NELL1: variants seen among roughly 807,000 people sequenced by gnomAD.
NELL1 encodes protein kinase C-binding protein NELL1.
NELL1 carries 76 observed loss-of-function variants against 107.4 expected under a neutral mutation model. The observed-to-expected ratio is 0.71, with a 90% CI of 0.59 to 0.86. The LOEUF (loss-of-function observed/expected upper bound fraction) is 0.86. Ranked by LOEUF, NELL1 falls within the 40% of genes least tolerant of loss-of-function variation. The pLI, the probability that NELL1 is intolerant of heterozygous loss-of-function variation, is 0.00. For missense variants in NELL1, 1,024 were observed against 1,005.5 expected, an observed-to-expected ratio of 1.02 and a Z score of -0.25; for synonymous variants, 353 against 341.2, an observed-to-expected ratio of 1.03 and a Z score of -0.38.
intron 3 of NELL1, among the ~76,000 whole-genome samples, chr11:20,829,162 A>G (rs1366441374): frequency 6.6e-6 from 1 of 151,988 alleles, no homozygotes; most frequent in African/African-American, 2.4e-5. Context: ...CTCTAATATT[A>G]ACATCTTACG....
intron 14 of NELL1, among the ~76,000 whole-genome samples, chr11:21,339,437 T>G (rs1850512631): frequency 6.6e-6 from 1 of 152,214 alleles, no homozygotes; most frequent in Admixed American, 6.5e-5. Context: ...CCTATAGAAC[T>G]GTGAGACAAT....
At chr11:21,187,865 A>C (rs1052955295) in intron 13 of NELL1, among the ~76,000 whole-genome samples, 1 of 151,926 alleles carries the variant, frequency 6.6e-6, no homozygotes, top group Non-Finnish European at 1.5e-5. Context: ...TAAACAAATA[A>C]GGATTTTAGG....
Position 21,507,901 on chromosome 11 carries a change from C to T in NELL1, c.1646-26473C>T, listed in dbSNP as rs145811982. Among the ~76,000 whole-genome samples, 2,507 of 151,936 alleles carry T rather than the reference C, an allele frequency of 0.017. 187 individuals carry two copies. The East Asian group carries it at 0.26, about 16-fold the overall frequency. ...GTTCCAGCGATTCTCCTGCCTCAGC[C>T]TCCCAAGTAGCTGAGACTACAGGTG... On this transcript the variant is annotated intron_variant, in intron 15 of 19. Transcript: ENST00000357134.
chr11:20,939,497 G>A (rs1317662687), intron 10 of NELL1, among the ~76,000 whole-genome samples: 3 of 152,058 alleles, frequency 2.0e-5, no homozygotes, highest in African/African-American at 7.3e-5. Flanking sequence ...TACTGTCCTG[G>A]AGTCACTTAT....
chr11:21,085,000 T>G (rs1282561094), intron 12 of NELL1, among the ~76,000 whole-genome samples: 1 of 152,164 alleles, frequency 6.6e-6, no homozygotes, highest in East Asian at 1.9e-4. Flanking sequence ...ACAATGGGGG[T>G]AAGACATACT....
chr11:20,678,126 C>T (rs1854107299), intron 2 of NELL1, 66 bp downstream of exon 2: 2 of 1,572,894 alleles, frequency 1.3e-6, no homozygotes, highest in African/African-American at 2.7e-5. Context: ...GGGGAGTGCT[C>T]ATTTGTTGTG....
intron 12 of NELL1, among the ~76,000 whole-genome samples, chr11:21,033,446 T>C (rs1334594812): frequency 6.6e-6 from 1 of 152,170 alleles, no homozygotes; most frequent in East Asian, 1.9e-4. Context: ...GTCCATTTGT[T>C]CTCATCATTT....
chr11:21,326,072 TTTTTTTTTTG>T lies in NELL1; in HGVS notation c.1550-44780_1550-44771del, dbSNP rs1157249770. Among the ~76,000 whole-genome samples, 107 of 88,054 alleles carry T rather than the reference TTTTTTTTTTG, an allele frequency of 1.2e-3. 2 individuals are homozygous for T. Among genetic ancestry groups the T allele is most frequent in the Admixed American group, 2.7e-3 (22 of 8,206 alleles). 57.8% of individuals were successfully genotyped at this position (88,054 alleles called of 152,430 possible). ...TAGTTTTTTTTTTTTTTTTTTTTTT[TTTTTTTTTTG>T]GGCTATTTTGAGTAAAGCTTAAATG... On this transcript the variant is annotated intron_variant, in intron 14 of 19. Transcript: ENST00000357134.
chr11:21,150,339 G>A (rs955570019), intron 13 of NELL1, among the ~76,000 whole-genome samples: 5 of 152,168 alleles, frequency 3.3e-5, no homozygotes, highest in Non-Finnish European at 1.5e-5. Flanking sequence ...TGGCAGGGGG[G>A]CAGAGGGGCT....
chr11:21,190,069 C>G (rs559468688), intron 13 of NELL1, among the ~76,000 whole-genome samples: 6 of 151,798 alleles, frequency 4.0e-5, no homozygotes, highest in Non-Finnish European at 8.8e-5. Context: ...AGAAAAGATG[C>G]AGGCAGGGTG....
rs1173421239 is a variant in NELL1 at position 20,918,052 on chromosome 11, CCAGCT to C, written c.604-127_604-123del. The C allele has an allele frequency of 1.0e-5, 7 of 679,628 alleles. No homozygotes were observed. In the African/African-American group the frequency reaches 1.3e-4, roughly 12 times the overall value. The allele number at this position is 679,628 out of a possible 1,614,324, so 42.1% of individuals were successfully genotyped here. A position where few individuals can be genotyped will look rare whatever the true frequency, so the allele number is the denominator to read the frequency against. On this transcript the variant is annotated intron_variant, in intron 5 of 19. Coordinates refer to ENST00000357134, the MANE Select transcript of NELL1 (RefSeq NM_006157.5). ...TAGAGTAGTTCAGTATATACTAAGG[CCAGCT>C]CACCCTTTGAATGAATCAATTTTGT... is the stretch of plus-strand genomic sequence containing the variant.
chr11:21,457,559 G>A (rs79251636), intron 15 of NELL1, among the ~76,000 whole-genome samples: 8,929 of 152,212 alleles, frequency 0.059, 309 homozygotes, highest in African/African-American at 0.089. Flanking sequence ...TAGAGTAGAA[G>A]GCTTGGTGGG....
chr11:20,887,435 A>G (rs145168583), intron 5 of NELL1, among the ~76,000 whole-genome samples: 1 of 152,344 alleles, frequency 6.6e-6, no homozygotes, highest in East Asian at 1.9e-4. Flanking sequence ...TTTTCAAAGC[A>G]GCTGTGCCAG....
chr11:21,513,382 A>T (rs1855485426), intron 15 of NELL1, among the ~76,000 whole-genome samples: 1 of 152,192 alleles, frequency 6.6e-6, no homozygotes, highest in African/African-American at 2.4e-5. Context: ...GAATGTGTGT[A>T]TGTGTACATC....
intron 2 of NELL1, among the ~76,000 whole-genome samples, chr11:20,750,592 A>G (rs532911751): frequency 6.8e-6 from 1 of 147,958 alleles, no homozygotes; most frequent in East Asian, 2.0e-4. Context: ...TTATTATTTT[A>G]TCATTTTGAG....
At chr11:21,415,060 C>T (rs1179121435) in intron 15 of NELL1, among the ~76,000 whole-genome samples, 1 of 152,048 alleles carries the variant, frequency 6.6e-6, no homozygotes, top group Non-Finnish European at 1.5e-5. Flanking sequence ...TTAACCATAC[C>T]AAGTTTATGC....
intron 3 of NELL1, among the ~76,000 whole-genome samples, chr11:20,845,665 A>G (rs914681669): frequency 6.6e-6 from 1 of 152,200 alleles, no homozygotes; most frequent in African/African-American, 2.4e-5. Flanking sequence ...AATCTACCTT[A>G]AAGAAATTAA....
chr11:20,810,372 T>G (rs1453271613), intron 3 of NELL1, among the ~76,000 whole-genome samples: 1 of 152,176 alleles, frequency 6.6e-6, no homozygotes, highest in East Asian at 1.9e-4. Context: ...CCTCACCCCC[T>G]CTCACTCGTC....
At chr11:21,516,557 GCTC>G (rs1363172633) in intron 15 of NELL1, among the ~76,000 whole-genome samples, 2 of 152,218 alleles carry the variant, frequency 1.3e-5, no homozygotes, top group East Asian at 3.9e-4. Context: ...ACAGCCTATT[GCTC>G]CTAAGCTACA....
Sources: allele counts gnomAD v4.1 joint callset (sites outside exome capture counted in the v4.1 genomes callset), GRCh38; gene constraint gnomAD v4.1.1; transcripts MANE v1.5; gene names NCBI Gene and HGNC (gene_info 2026-07-23, HGNC 2026-07-21).